The following SFXN3 variants were observed in gnomAD, a reference collection of about 807,000 sequenced individuals.
The protein encoded by SFXN3 is sideroflexin-3.
SFXN3 carries 31 observed loss-of-function variants against 40.4 expected under a neutral mutation model. The observed-to-expected ratio is 0.77, with a 90% CI of 0.58 to 1.04. The LOEUF (loss-of-function observed/expected upper bound fraction) is 1.04, where lower values mean the gene tolerates loss of function less well. Ranked by LOEUF, SFXN3 falls within the 50% of genes least tolerant of loss-of-function variation. The pLI is 0.00. For missense variants in SFXN3, 366 were observed against 408.2 expected, an observed-to-expected ratio of 0.90 and a Z score of 0.89; for synonymous variants, 157 against 160.0, an observed-to-expected ratio of 0.98 and a Z score of 0.14.
intron 2 of SFXN3, among the ~76,000 whole-genome samples, chr10:101,033,614 G>C (rs140892974): frequency 3.9e-5 from 6 of 152,202 alleles, no homozygotes; most frequent in Admixed American, 2.0e-4. Flanking sequence ...ATAAGACACA[G>C]AGACAAAGTA....
At position 101,039,406 on chromosome 10, in the gene SFXN3, G is replaced by T; in HGVS notation, c.870-83G>T. 7.4e-7 allele frequency: 1 copy of T among 1,345,188 alleles called. No homozygotes were observed. 83.3% of individuals were successfully genotyped at this position (1,345,188 alleles called of 1,614,324 possible). A position where few individuals can be genotyped will look rare whatever the true frequency, so the allele number is the denominator to read the frequency against. On this transcript the variant is annotated intron_variant, in intron 11 of 11. Transcript: ENST00000393459. The surrounding 1 kb of genome is among the most constrained non-coding windows in gnomAD (Gnocchi z 4.6). ...GTAGAAGGAGAGGATTTTTCAGCCT[G>T]GGAGGAGGTGGGATGGCAATCCCTG...
At position 101,036,607 on chromosome 10, in the gene SFXN3, G is replaced by T. The variant is rs752913567; in HGVS notation, c.507+46G>T. ...TGACCACCCCATTCATCCTCTATCT[G>T]CCTCCTTCTTCCTCATCACACCTCC... is the stretch of plus-strand genomic sequence containing the variant. On this transcript the variant is annotated intron_variant, in intron 6 of 11. Transcript: ENST00000393459. The surrounding 1 kb of genome is among the most constrained non-coding windows in gnomAD (Gnocchi z 4.2). The T allele has an allele frequency of 2.5e-6, 4 of 1,613,104 alleles. No individual in the cohort carries two copies. In the South Asian group the frequency reaches 4.4e-5, roughly 18 times the overall value.
chr10:101,037,767 C>T lies in SFXN3; in HGVS notation c.771+336C>T, dbSNP rs191560639. 69 of 1,239,724 alleles carry T rather than the reference C, an allele frequency of 5.6e-5. No homozygotes were observed. In the Middle Eastern group the frequency reaches 9.9e-4, roughly 18 times the overall value. The allele number at this position is 1,239,724 out of a possible 1,614,324, so 76.8% of individuals were successfully genotyped here. On this transcript the variant is annotated intron_variant, in intron 9 of 11. Transcript: ENST00000393459. The stretch of plus-strand genomic sequence containing the variant: ...GTGCCTCCATACTGAGAGGTACACA[C>T]GGGTGAACACGCACACACAGACATG...
At position 101,036,193 on chromosome 10, in the gene SFXN3, T is replaced by G. The variant is rs1938593982; in HGVS notation, c.431+92T>G. The G allele has an allele frequency of 2.7e-6, 3 of 1,130,148 alleles. No individual in the cohort carries two copies. In the East Asian group the frequency reaches 7.2e-5, roughly 27 times the overall value. The allele number at this position is 1,130,148 out of a possible 1,614,324, so 70.0% of individuals were successfully genotyped here. A position where few individuals can be genotyped will look rare whatever the true frequency, so the allele number is the denominator to read the frequency against. ...CCTCTCCTTTCTCTCCGGTTCCCTG[T>G]GGACCATGCAGCCAGTGCTCAGCGC... On this transcript the variant is annotated intron_variant, in intron 5 of 11. Transcript: ENST00000393459. The surrounding 1 kb of genome is among the most constrained non-coding windows in gnomAD (Gnocchi z 4.2).
Position 101,038,434 on chromosome 10 carries a change from C to A in SFXN3, c.772-209C>A, listed in dbSNP as rs559388687. On this transcript the variant is annotated intron_variant, in intron 9 of 11. Coordinates refer to ENST00000393459, the Ensembl canonical transcript of SFXN3. ...TGAGAGGTGAGAGGTCATGGGATGC[C>A]GGGGAGGGTGATCAGCAGACAGGCC... is the stretch of plus-strand genomic sequence containing the variant. 9 of 1,433,984 alleles carry A rather than the reference C, an allele frequency of 6.3e-6. No homozygotes were observed. In the East Asian group the frequency reaches 2.3e-4, roughly 36 times the overall value. The allele number at this position is 1,433,984 out of a possible 1,614,324, so 88.8% of individuals were successfully genotyped here. A position where few individuals can be genotyped will look rare whatever the true frequency, so the allele number is the denominator to read the frequency against.
At chr10:101,034,949 G>T in intron 3 of SFXN3, 94 bp downstream of exon 3, 2 of 1,475,150 alleles carry the variant, frequency 1.4e-6, no homozygotes, top group Non-Finnish European at 1.8e-6. Context: ...GCTTGACAGT[G>T]ACCCTGTCCC....
chr10:101,037,467 G>A lies in SFXN3; in HGVS notation c.771+36G>A, dbSNP rs575462642. 169 of 1,614,106 alleles carry A rather than the reference G, an allele frequency of 1.0e-4. 2 individuals are homozygous for A. The South Asian group carries it at 1.7e-3, about 16-fold the overall frequency. On this transcript the variant is annotated intron_variant, in intron 9 of 11. Transcript: ENST00000393459. ...GTACCTCTCTTGTCCTGGAATGGGC[G>A]ATGGCTGGGAGAAGTGACCAGGCCC...
In SFXN3 at chr10:101,039,712, G is replaced by C. The variant is rs1938808425; in HGVS notation, c.*127G>C. 2.3e-6 allele frequency: 2 copies of C among 863,608 alleles called. No homozygotes were observed. Among genetic ancestry groups the C allele is most frequent in the East Asian group, 2.6e-5 (1 of 39,190 alleles). The allele number at this position is 863,608 out of a possible 1,614,324, so 53.5% of individuals were successfully genotyped here. The stretch of plus-strand genomic sequence containing the variant: ...GCCTTGGTGGGCAGATGGCAATTGA[G>C]GGTAGCAACCTATTAGGGTGGGGGA... On this transcript the variant is annotated 3_prime_UTR_variant, in exon 12 of 12. Transcript: ENST00000393459. This position sits in a 1 kb window ranked among gnomAD's most constrained non-coding sequence, Gnocchi z 4.6.
intron 1 of SFXN3, 196 bp from the exon 2 acceptor site, chr10:101,032,118 T>C: frequency 3.7e-6 from 1 of 271,774 alleles, no homozygotes; most frequent in Non-Finnish European, 6.9e-6. Context: ...GCTGCAGGGC[T>C]GGGGGTCTGC....
chr10:101,032,227 T>C (rs759915203), intron 1 of SFXN3, 87 bp from the exon 2 acceptor site: 9 of 471,028 alleles, frequency 1.9e-5, no homozygotes, highest in Non-Finnish European at 3.4e-5. Flanking sequence ...ATCCCCGAGG[T>C]GGGATTGGCT....
Position 101,039,705 on chromosome 10 carries a change from C to A in SFXN3, c.*120C>A. On this transcript the variant is annotated 3_prime_UTR_variant, in exon 12 of 12. Coordinates refer to ENST00000393459, the Ensembl canonical transcript of SFXN3. This position sits in a 1 kb window ranked among gnomAD's most constrained non-coding sequence, Gnocchi z 4.6. ...GGCAGGGGCCTTGGTGGGCAGATGGCAATTGAGGGTAGCAACCTATTAGGG... is the reference window on the plus strand; with the variant it reads ...GGCAGGGGCCTTGGTGGGCAGATGGAAATTGAGGGTAGCAACCTATTAGGG... 2 of 927,098 alleles carry A rather than the reference C, an allele frequency of 2.2e-6. No homozygotes were observed. The highest frequency in any genetic ancestry group is 2.0e-5 in the Admixed American group (1 of 50,162). The allele number at this position is 927,098 out of a possible 1,614,324, so 57.4% of individuals were successfully genotyped here. A position where few individuals can be genotyped will look rare whatever the true frequency, so the allele number is the denominator to read the frequency against.
At chr10:101,032,823 G>A (rs1025798127) in intron 2 of SFXN3, among the ~76,000 whole-genome samples, 2 of 152,312 alleles carry the variant, frequency 1.3e-5, no homozygotes, top group Admixed American at 1.3e-4. Context: ...CTCTGCCTCT[G>A]CGGGAGGAAG....
intron 9 of SFXN3, 29 bp downstream of exon 9, chr10:101,037,460 A>C (rs1408249471): frequency 1.2e-6 from 2 of 1,614,030 alleles, no homozygotes; most frequent in African/African-American, 2.7e-5. Context: ...CTTGTCCTGG[A>C]ATGGGCGATG....
chr10:101,032,961 T>A (rs1239516508), intron 2 of SFXN3, among the ~76,000 whole-genome samples: 3 of 152,190 alleles, frequency 2.0e-5, no homozygotes, highest in Non-Finnish European at 4.4e-5. Context: ...CGGAGGCAAG[T>A]GGCCCAGAGA....
At chr10:101,038,851 C>T (rs572818297) in intron 10 of SFXN3, among the ~76,000 whole-genome samples, 159 bp downstream of exon 10, 6 of 152,138 alleles carry the variant, frequency 3.9e-5, no homozygotes, top group Admixed American at 2.6e-4. Flanking sequence ...TTGTGTGTTA[C>T]GGGGTGGTCC....
Position 101,039,579 on chromosome 10 carries a change from G to C in SFXN3, c.960G>C (p.Gly320=), listed in dbSNP as rs752139167. 6 of 1,614,076 alleles carry C rather than the reference G, an allele frequency of 3.7e-6. No individual in the cohort carries two copies. The Admixed American group carries it at 5.0e-5, about 13-fold the overall frequency. Residue 320 remains glycine (G), a synonymous_variant, in exon 12 of 12, where the codon GGG becomes GGC. Transcript: ENST00000393459. This position sits in a 1 kb window ranked among gnomAD's most constrained non-coding sequence, Gnocchi z 4.6. ...TTGAAGTGGTCTACTACAACAAGGG[G>C]CTTTGAGGAGGGTCAGCCTCTGTCC...
chr10:101,034,598 G>A, intron 2 of SFXN3, 94 bp from the exon 3 acceptor site: 1 of 1,377,070 alleles, frequency 7.3e-7, no homozygotes, highest in Non-Finnish European at 1.0e-6. Flanking sequence ...CTGATGATAA[G>A]CTCAGGGGCC....
In SFXN3 at chr10:101,039,820, A is replaced by G. The variant is rs936040411; in HGVS notation, c.*235A>G. The G allele has an allele frequency of 1.4e-5, 8 of 570,272 alleles. No homozygotes were observed. The highest frequency in any genetic ancestry group is 3.0e-5 in the Admixed American group (1 of 33,136). 35.3% of individuals were successfully genotyped at this position (570,272 alleles called of 1,614,324 possible). ...CCCTCCTGTGCTTGAGTGTCCATGCATATACATACATGATACACATGTGTA... is the reference window on the plus strand; with the variant it reads ...CCCTCCTGTGCTTGAGTGTCCATGCGTATACATACATGATACACATGTGTA... On this transcript the variant is annotated 3_prime_UTR_variant, in exon 12 of 12. Coordinates refer to ENST00000393459, the Ensembl canonical transcript of SFXN3. The surrounding 1 kb of genome is among the most constrained non-coding windows in gnomAD (Gnocchi z 4.6).
chr10:101,033,282 G>T (rs1042221416), intron 2 of SFXN3, among the ~76,000 whole-genome samples: 1 of 152,146 alleles, frequency 6.6e-6, no homozygotes, highest in Admixed American at 6.5e-5. Flanking sequence ...CTGAGCATGG[G>T]TGTGTAATAT....
Sources: gnomAD v4.1 joint callset for allele counts (sites outside exome capture counted in the v4.1 genomes callset) on GRCh38, gnomAD v4.1.1 for gene constraint, Gnocchi (gnomAD v3.1) non-coding constraint, MANE v1.5 for transcripts, NCBI Gene and HGNC (gene_info 2026-07-23, HGNC 2026-07-21) for gene names.